The following DIS3L2 variants were observed in gnomAD, a reference collection of about 807,000 sequenced individuals.
The protein encoded by DIS3L2 is DIS3-like exonuclease 2.
A neutral mutation model predicts 97.5 loss-of-function variants in DIS3L2; 34 were observed. The ratio of observed to expected loss-of-function variants is 0.35; its 90% CI spans 0.27 to 0.46. The LOEUF (loss-of-function observed/expected upper bound fraction) is 0.46, where lower values mean the gene tolerates loss of function less well. Ranked by LOEUF, DIS3L2 falls within the 20% of genes least tolerant of loss-of-function variation. DIS3L2 has a pLI of 1.00. For missense variants in DIS3L2, 1,038 were observed against 1,146.0 expected, an observed-to-expected ratio of 0.91 and a Z score of 1.36; for synonymous variants, 435 against 445.2, an observed-to-expected ratio of 0.98 and a Z score of 0.29.
chr2:232,220,791 T>G (rs963591493), intron 10 of DIS3L2, among the ~76,000 whole-genome samples: 2 of 152,038 alleles, frequency 1.3e-5, no homozygotes, highest in African/African-American at 4.8e-5. Flanking sequence ...GCCATGTTGG[T>G]GAGACATTGG....
At chr2:232,239,895 A>G (rs1432015005) in intron 11 of DIS3L2, among the ~76,000 whole-genome samples, 1 of 152,204 alleles carries the variant, frequency 6.6e-6, no homozygotes, top group African/African-American at 2.4e-5. Context: ...AACCTCTCAA[A>G]AGGGAAGAGA....
At chr2:232,065,875 A>G (rs1336444092) in intron 5 of DIS3L2, among the ~76,000 whole-genome samples, 1 of 151,602 alleles carries the variant, frequency 6.6e-6, no homozygotes. Flanking sequence ...AGTTTTGCAT[A>G]TATTTTGTTA....
chr2:232,146,944 C>T (rs1690232958), intron 8 of DIS3L2, among the ~76,000 whole-genome samples: 1 of 152,072 alleles, frequency 6.6e-6, no homozygotes, highest in African/African-American at 2.4e-5. Context: ...CCATTTGTCC[C>T]TTTCAGCATT....
chr2:232,322,793 A>G (rs1299206602), intron 14 of DIS3L2, among the ~76,000 whole-genome samples: 1 of 152,230 alleles, frequency 6.6e-6, no homozygotes, highest in Non-Finnish European at 1.5e-5. Context: ...AGACCTGTGC[A>G]TTCCAGAACA....
At chr2:232,248,947 A>G (rs1471164350) in intron 11 of DIS3L2, among the ~76,000 whole-genome samples, 1 of 152,198 alleles carries the variant, frequency 6.6e-6, no homozygotes. Context: ...TTGAGTCTGG[A>G]GCTTCAGGTT....
chr2:232,128,755 C>T (rs1208500862), intron 6 of DIS3L2, among the ~76,000 whole-genome samples: 5 of 151,932 alleles, frequency 3.3e-5, no homozygotes, highest in African/African-American at 9.7e-5. Context: ...CAAGACCAGC[C>T]GACAACTTTA....
At chr2:232,073,163 GTGTA>G (rs1696086126) in intron 5 of DIS3L2, among the ~76,000 whole-genome samples, 1 of 152,206 alleles carries the variant, frequency 6.6e-6, no homozygotes, top group Non-Finnish European at 1.5e-5. Flanking sequence ...TTCCTGAACA[GTGTA>G]TTATCCTTTG....
Position 232,136,519 on chromosome 2 carries a change from C to G in DIS3L2, c.750C>G (p.Phe250Leu), listed in dbSNP as rs752349220. Residue 250 changes from phenylalanine to leucine, a missense_variant, in exon 8 of 21, where the codon TTC becomes TTG. This residue lies in a region of DIS3L2 where 813 missense variants were observed against 880.1 expected (regional missense o/e 0.92). Transcript: ENST00000325385. Reference sequence around the variant, plus strand: ...AACATTCTCGAGCAGCAACCGGCTTCCTCAAACTCTTGGCTGATAAGAACA... The same window carrying G: ...AACATTCTCGAGCAGCAACCGGCTTGCTCAAACTCTTGGCTGATAAGAACA... ...EKKHSRAATG[F>L]LKLLADKNSE... 1.9e-6 allele frequency: 3 copies of G among 1,614,056 alleles called. No homozygotes were observed. In the East Asian group the frequency reaches 6.7e-5, roughly 36 times the overall value.
At chr2:232,316,875 T>C (rs1305115320) in intron 14 of DIS3L2, among the ~76,000 whole-genome samples, 1 of 152,264 alleles carries the variant, frequency 6.6e-6, no homozygotes, top group Non-Finnish European at 1.5e-5. Context: ...CGCTATCTTT[T>C]GTGTCATAAA....
chr2:232,193,963 A>G (rs1691680473), intron 9 of DIS3L2, among the ~76,000 whole-genome samples: 1 of 152,058 alleles, frequency 6.6e-6, no homozygotes, highest in Non-Finnish European at 1.5e-5. Context: ...TACAAAAATT[A>G]GCTGGGCGTG....
At position 232,293,532 on chromosome 2, in the gene DIS3L2, G is replaced by A. The variant is rs1276120958; in HGVS notation, c.1660-6508G>A. On this transcript the variant is annotated intron_variant, in intron 13 of 20. Transcript: ENST00000325385. This position sits in a 1 kb window ranked among gnomAD's most constrained non-coding sequence, Gnocchi z 4.6. The stretch of plus-strand genomic sequence containing the variant: ...TGAGGAAGGGCACAGAGGCCTAAGA[G>A]AGCCTGGTCTGCTCTGAACCCCTCA... Among the ~76,000 whole-genome samples, 1 of 152,216 alleles carries A rather than the reference G, an allele frequency of 6.6e-6. No homozygotes were observed. The highest frequency in any genetic ancestry group is 2.4e-5 in the African/African-American group (1 of 41,454).
At chr2:232,131,461 T>A (rs1230352142) in intron 7 of DIS3L2, 1 of 152,070 alleles carries the variant, frequency 6.6e-6, no homozygotes, top group African/African-American at 2.4e-5. Context: ...CTGGCTAATT[T>A]TTTGTATTTT....
At chr2:232,003,456 T>C (rs933955496) in intron 1 of DIS3L2, among the ~76,000 whole-genome samples, 15 of 152,232 alleles carry the variant, frequency 9.9e-5, no homozygotes, top group African/African-American at 3.6e-4. Flanking sequence ...TGACTGCATA[T>C]AGAATTGCAG....
At chr2:232,182,061 C>T (rs748375031) in intron 9 of DIS3L2, among the ~76,000 whole-genome samples, 1 of 152,170 alleles carries the variant, frequency 6.6e-6, no homozygotes, top group Non-Finnish European at 1.5e-5. Flanking sequence ...TTTATAAAGG[C>T]ATTTACAGCT....
intron 9 of DIS3L2, among the ~76,000 whole-genome samples, chr2:232,185,040 A>T (rs1233186368): frequency 1.3e-5 from 2 of 152,154 alleles, no homozygotes; most frequent in Admixed American, 6.5e-5. Context: ...TACCTAATTT[A>T]CTTAAATATG....
At chr2:232,045,440 A>G (rs540434244) in intron 5 of DIS3L2, among the ~76,000 whole-genome samples, 81 of 152,186 alleles carry the variant, frequency 5.3e-4, no homozygotes, top group African/African-American at 1.8e-3. Context: ...AAGAATAGAC[A>G]TTTATTTTCT....
intron 6 of DIS3L2, among the ~76,000 whole-genome samples, chr2:232,103,310 A>G (rs1697258107): frequency 6.6e-6 from 1 of 152,058 alleles, no homozygotes; most frequent in Admixed American, 6.6e-5. Context: ...CTTGTTCCAG[A>G]CTTTAATGGG....
chr2:232,177,294 G>A (rs1192641112), intron 9 of DIS3L2, among the ~76,000 whole-genome samples: 8 of 147,068 alleles, frequency 5.4e-5, no homozygotes, highest in Non-Finnish European at 1.2e-4. Context: ...ATAGCAGCAT[G>A]ATTTATAGTC....
intron 12 of DIS3L2, among the ~76,000 whole-genome samples, chr2:232,252,476 C>A (rs1238983791): frequency 2.0e-5 from 3 of 152,206 alleles, no homozygotes; most frequent in Non-Finnish European, 4.4e-5. Flanking sequence ...CTTCTACATT[C>A]TGTCTGTTAG....
Sources: allele counts gnomAD v4.1 joint callset (sites outside exome capture counted in the v4.1 genomes callset), GRCh38; gene constraint gnomAD v4.1.1; regional missense constraint gnomAD v4.1.1; non-coding constraint Gnocchi (gnomAD v3.1); transcripts MANE v1.5; gene names NCBI Gene and HGNC (gene_info 2026-07-23, HGNC 2026-07-21).